The following WWOX variants were observed in gnomAD, a reference collection of about 807,000 sequenced individuals.
WWOX encodes WW domain-containing oxidoreductase.
Under a neutral mutation model 46.2 loss-of-function variants are expected in WWOX, and 69 were observed. That is an observed-to-expected ratio of 1.49 (90% CI 1.23 to 1.82). The LOEUF (loss-of-function observed/expected upper bound fraction) is 1.82. Ranked by LOEUF, WWOX falls within the 40% of genes most tolerant of loss-of-function variation. WWOX has a pLI of 0.00. For synonymous variants in WWOX, 359 were observed against 202.6 expected (o/e 1.77, Z -6.56); for missense variants, 919 against 542.6 (o/e 1.69, Z -6.89).
chr16:79,068,963 C>T (rs1484916847), intron 8 of WWOX, among the ~76,000 whole-genome samples: 1 of 152,122 alleles, frequency 6.6e-6, no homozygotes, highest in African/African-American at 2.4e-5. Context: ...TCACAGTTGT[C>T]TTACGCACAG....
At chr16:79,185,273 C>G (rs904160195) in intron 8 of WWOX, among the ~76,000 whole-genome samples, 11 of 152,192 alleles carry the variant, frequency 7.2e-5, no homozygotes, top group African/African-American at 2.7e-4. Flanking sequence ...AACTGCCTCT[C>G]TTCAATAAGA....
At chr16:79,180,522 C>T (rs73582799) in intron 8 of WWOX, among the ~76,000 whole-genome samples, 1 of 152,174 alleles carries the variant, frequency 6.6e-6, no homozygotes. Flanking sequence ...TGTGGACCCT[C>T]AAATGTGGGA....
At chr16:78,832,720 C>G (rs931504495) in intron 8 of WWOX, among the ~76,000 whole-genome samples, 1 of 152,112 alleles carries the variant, frequency 6.6e-6, no homozygotes, top group Non-Finnish European at 1.5e-5. Context: ...ATGGACAACC[C>G]AAGGGAATCA....
At chr16:78,838,054 G>T (rs116814724) in intron 8 of WWOX, among the ~76,000 whole-genome samples, 152 of 152,280 alleles carry the variant, frequency 1.0e-3, no homozygotes, top group African/African-American at 3.5e-3. Flanking sequence ...TAGAGGCCAG[G>T]AACCCATCTT....
intron 5 of WWOX, among the ~76,000 whole-genome samples, chr16:78,217,775 A>T (rs1196537561): frequency 6.6e-6 from 1 of 152,116 alleles, no homozygotes; most frequent in Admixed American, 6.5e-5. Context: ...GGGTATAGGG[A>T]TAAATAATTC....
intron 5 of WWOX, among the ~76,000 whole-genome samples, chr16:78,373,765 T>C (rs1455364324): frequency 6.6e-6 from 1 of 152,188 alleles, no homozygotes; most frequent in African/African-American, 2.4e-5. Flanking sequence ...ACCAAGTTTT[T>C]CTTATTTTTA....
At chr16:78,641,366 C>T (rs972737306) in intron 8 of WWOX, among the ~76,000 whole-genome samples, 3 of 151,972 alleles carry the variant, frequency 2.0e-5, no homozygotes, top group Non-Finnish European at 4.4e-5. Context: ...AAGGACATAC[C>T]CTTTAATTGC....
chr16:78,697,716 C>A (rs1438327375), intron 8 of WWOX, among the ~76,000 whole-genome samples: 1 of 152,134 alleles, frequency 6.6e-6, no homozygotes, highest in Admixed American at 6.5e-5. Context: ...AAGGTAGGCT[C>A]GGCTAAGCTA....
chr16:79,028,688 C>T (rs1275007554), intron 8 of WWOX, among the ~76,000 whole-genome samples: 1 of 151,622 alleles, frequency 6.6e-6, no homozygotes, highest in African/African-American at 2.4e-5. Flanking sequence ...ACATAAGCCC[C>T]CATGGAAAGC....
intron 6 of WWOX, among the ~76,000 whole-genome samples, chr16:78,398,996 G>A (rs942631575): frequency 2.6e-5 from 4 of 152,020 alleles, no homozygotes; most frequent in Admixed American, 2.6e-4. Context: ...GTAAGTACAA[G>A]GAAGGGGATG....
intron 8 of WWOX, among the ~76,000 whole-genome samples, chr16:79,032,359 C>A (rs2047780246): frequency 6.9e-6 from 1 of 144,118 alleles, no homozygotes; most frequent in Non-Finnish European, 1.5e-5. Context: ...ATAATATATT[C>A]TATGTAATAT....
chr16:78,852,418 A>G (rs192588165), intron 8 of WWOX, among the ~76,000 whole-genome samples: 2 of 152,304 alleles, frequency 1.3e-5, no homozygotes, highest in Admixed American at 1.3e-4. Flanking sequence ...AGGATACTCA[A>G]ACAGCACCAT....
At chr16:78,417,144 C>T (rs1274919150) in intron 6 of WWOX, among the ~76,000 whole-genome samples, 1 of 151,990 alleles carries the variant, frequency 6.6e-6, no homozygotes, top group Non-Finnish European at 1.5e-5. Flanking sequence ...GTGATTACAG[C>T]TCACTGCAGC....
At chr16:78,608,758 C>T (rs1054766807) in intron 8 of WWOX, among the ~76,000 whole-genome samples, 1 of 152,194 alleles carries the variant, frequency 6.6e-6, no homozygotes, top group Non-Finnish European at 1.5e-5. Flanking sequence ...CCCAGGACAA[C>T]TAAAGCCGGG....
chr16:78,479,577 T>C (rs2084438102), intron 8 of WWOX, among the ~76,000 whole-genome samples: 2 of 152,152 alleles, frequency 1.3e-5, no homozygotes, highest in Non-Finnish European at 2.9e-5. Flanking sequence ...AAAATGGAGA[T>C]AAGACATGTC....
intron 8 of WWOX, among the ~76,000 whole-genome samples, chr16:78,605,709 G>A (rs2045740379): frequency 2.0e-5 from 3 of 152,170 alleles, no homozygotes; most frequent in South Asian, 2.1e-4. Context: ...ATATTCCTGA[G>A]TGTCTACAGA....
intron 8 of WWOX, among the ~76,000 whole-genome samples, chr16:78,856,018 T>A (rs750652040): frequency 2.0e-5 from 3 of 152,150 alleles, no homozygotes; most frequent in Non-Finnish European, 2.9e-5. Flanking sequence ...TTATCTAACT[T>A]TACTTGCAGG....
Position 78,926,556 on chromosome 16 carries a change from G to T in WWOX, c.1057-285052G>T, listed in dbSNP as rs528546386. 1.4e-4 allele frequency among the ~76,000 whole-genome samples: 22 copies of T among 152,254 alleles called. No individual in the cohort carries two copies. In the South Asian group the frequency reaches 2.1e-3, roughly 14 times the overall value. ...TTAAAAACTTGTTTTCAGTCATTTT[G>T]CAGAAAGCAGACGTACACTTCTTTG... On this transcript the variant is annotated intron_variant, in intron 8 of 8. Coordinates refer to ENST00000566780, the MANE Select transcript of WWOX (RefSeq NM_016373.4).
chr16:78,758,405 C>G (rs936681032), intron 8 of WWOX, among the ~76,000 whole-genome samples: 1 of 152,166 alleles, frequency 6.6e-6, no homozygotes, highest in African/African-American at 2.4e-5. Flanking sequence ...ACTATGTCAC[C>G]AAAATTATTT....
Sources: allele counts gnomAD v4.1 joint callset (sites outside exome capture counted in the v4.1 genomes callset), GRCh38; gene constraint gnomAD v4.1.1; transcripts MANE v1.5; gene names NCBI Gene and HGNC (gene_info 2026-07-23, HGNC 2026-07-21).